The following RIMBP2 variants were observed in gnomAD, a reference collection of about 807,000 sequenced individuals.
RIMBP2 encodes RIMS-binding protein 2.
Under a neutral mutation model 118.6 loss-of-function variants are expected in RIMBP2, and 48 were observed. That is an observed-to-expected ratio of 0.40 (90% confidence interval 0.32 to 0.51). RIMBP2 has a LOEUF of 0.51. RIMBP2 is among the 20% of genes least tolerant of loss of function. RIMBP2 has a pLI of 0.41. For synonymous variants in RIMBP2, 762 were observed against 742.9 expected (o/e 1.03, Z -0.42); for missense variants, 1,551 against 1,768.3 (o/e 0.88, Z 2.20).
At chr12:130,560,000 G>C (rs1283556571) in intron 2 of RIMBP2, among the ~76,000 whole-genome samples, 2 of 152,232 alleles carry the variant, frequency 1.3e-5, no homozygotes, top group Non-Finnish European at 2.9e-5. Context: ...GGGAAACTGA[G>C]AATGGGAGCA....
rs1268626415 is a variant in RIMBP2 at position 130,469,900 on chromosome 12, G to T, written c.153+793C>A. On this transcript the variant is annotated intron_variant, in intron 6 of 22. Transcript: ENST00000690449. The surrounding 1 kb of genome is among the most constrained non-coding windows in gnomAD (Gnocchi z 4.8). ...CACGATCCTTGACTTCGGCAGGTGG[G>T]GGCCCCAGCTCACTGTAGCCCAGCC... Among the ~76,000 whole-genome samples the T allele has an allele frequency of 1.3e-5, 2 of 152,152 alleles. No homozygotes were observed. Among genetic ancestry groups the T allele is most frequent in the Non-Finnish European group, 2.9e-5 (2 of 68,032 alleles).
At chr12:130,630,460 C>A (rs2061926180) in intron 1 of RIMBP2, among the ~76,000 whole-genome samples, 1 of 152,062 alleles carries the variant, frequency 6.6e-6, no homozygotes, top group Non-Finnish European at 1.5e-5. Context: ...TTGACATAAA[C>A]AACCAAAATA....
chr12:130,704,993 CAT>C (rs1418776921), intron 1 of RIMBP2, among the ~76,000 whole-genome samples: 1 of 152,198 alleles, frequency 6.6e-6, no homozygotes, highest in Admixed American at 6.5e-5. Context: ...AAACAACACA[CAT>C]CTCTTCTCTC....
chr12:130,580,294 G>A (rs748168476), intron 2 of RIMBP2, among the ~76,000 whole-genome samples: 5 of 152,178 alleles, frequency 3.3e-5, no homozygotes, highest in East Asian at 1.9e-4. Flanking sequence ...TGTCAAGGGC[G>A]GGGCCAGGTG....
chr12:130,596,252 T>C (rs1168082034), intron 2 of RIMBP2, among the ~76,000 whole-genome samples: 1 of 152,164 alleles, frequency 6.6e-6, no homozygotes. Flanking sequence ...CAGGAAGCCA[T>C]GGGTGATAAT....
At chr12:130,463,223 C>G (rs972679798) in intron 6 of RIMBP2, among the ~76,000 whole-genome samples, 10 of 152,182 alleles carry the variant, frequency 6.6e-5, no homozygotes, top group African/African-American at 2.4e-4. Flanking sequence ...GCTGTCCTGT[C>G]TGGGTTTGGG....
chr12:130,507,614 G>A (rs1349475306), intron 3 of RIMBP2, among the ~76,000 whole-genome samples: 1 of 152,200 alleles, frequency 6.6e-6, no homozygotes, highest in East Asian at 1.9e-4. Context: ...CCAGGGCCAA[G>A]CTACAAGCTT....
In RIMBP2 at chr12:130,646,038, G is replaced by GTTCCCTCTCCACCTCCCTCACCAC. The variant is rs1566421603; in HGVS notation, c.-351-17606_-351-17583dup. Among the ~76,000 whole-genome samples the GTTCCCTCTCCACCTCCCTCACCAC allele has an allele frequency of 4.3e-5, 6 of 139,066 alleles. 1 individual carries two copies. The highest frequency in any genetic ancestry group is 7.4e-5 in the Admixed American group (1 of 13,518). The allele number at this position is 139,066 out of a possible 152,430, so 91.2% of individuals were successfully genotyped here. A position where few individuals can be genotyped will look rare whatever the true frequency, so the allele number is the denominator to read the frequency against. On this transcript the variant is annotated intron_variant, in intron 1 of 22. Transcript: ENST00000690449. ...ATTGAAATCTGTGGTGCGGCAGCCA[G>GTTCCCTCTCCACCTCCCTCACCAC]TTCCCTCTCCACCTCCCTCACCACC...
At chr12:130,640,418 A>G (rs540380771) in intron 1 of RIMBP2, among the ~76,000 whole-genome samples, 2 of 152,278 alleles carry the variant, frequency 1.3e-5, no homozygotes, top group Admixed American at 6.5e-5. Context: ...TTATTTTCAA[A>G]CCGAAGTTCA....
At chr12:130,612,179 C>T (rs2060597199) in intron 2 of RIMBP2, among the ~76,000 whole-genome samples, 1 of 152,050 alleles carries the variant, frequency 6.6e-6, no homozygotes, top group South Asian at 2.1e-4. Context: ...AGAGCAGCTG[C>T]TTGGATTGAC....
At chr12:130,497,176 C>A (rs2049264846) in intron 4 of RIMBP2, among the ~76,000 whole-genome samples, 1 of 152,222 alleles carries the variant, frequency 6.6e-6, no homozygotes, top group Non-Finnish European at 1.5e-5. Context: ...TGATGTGCGA[C>A]CGCACCTTCA....
rs868482505 is a variant in RIMBP2, at chr12:130,470,724, T to G, written c.122A>C (p.Lys41Thr). Residue 41 changes from lysine (K) to threonine (T), a missense_variant, in exon 6 of 23, where the codon AAG becomes ACG. Physicochemically the swap from Lys to Thr is moderately conservative, Grantham distance 78. Coordinates refer to ENST00000690449, the MANE Select transcript of RIMBP2 (RefSeq NM_001393629.1). ...CAGCCGCACTGCGCCTTCATGCTCC[T>G]TCTTAGCCTCAACCTGAGCCTTTTT... ...LLQKAQVEAK[K>T]EHEGAVRLLE... 1 of 1,232,010 alleles carries G rather than the reference T, an allele frequency of 8.1e-7. No individual in the cohort carries two copies. Among genetic ancestry groups the G allele is most frequent in the South Asian group, 4.1e-5 (1 of 24,306 alleles). The allele number at this position is 1,232,010 out of a possible 1,614,324, so 76.3% of individuals were successfully genotyped here. A position where few individuals can be genotyped will look rare whatever the true frequency, so the allele number is the denominator to read the frequency against.
At chr12:130,687,018 C>A (rs888878756) in intron 1 of RIMBP2, among the ~76,000 whole-genome samples, 12 of 152,236 alleles carry the variant, frequency 7.9e-5, no homozygotes, top group African/African-American at 2.9e-4. Context: ...CAAATAAAAT[C>A]ACCGTGGAGA....
intron 2 of RIMBP2, among the ~76,000 whole-genome samples, chr12:130,610,663 C>T (rs1356363659): frequency 2.7e-5 from 4 of 148,770 alleles, no homozygotes; most frequent in Non-Finnish European, 5.9e-5. Context: ...CGGGTTCACG[C>T]CATTCTCCTG....
intron 9 of RIMBP2, among the ~76,000 whole-genome samples, chr12:130,448,649 G>A (rs774533904): frequency 1.3e-5 from 2 of 152,276 alleles, no homozygotes; most frequent in African/African-American, 2.4e-5. Flanking sequence ...CGCCAACTGT[G>A]GCCCTGTGCG....
rs1297207494 is a variant in RIMBP2, at chr12:130,620,905, A to C, written c.-217+7417T>G. Among the ~76,000 whole-genome samples, 2 of 152,172 alleles carry C rather than the reference A, an allele frequency of 1.3e-5. No individual in the cohort carries two copies. The highest frequency in any genetic ancestry group is 4.8e-5 in the African/African-American group (2 of 41,446). The stretch of plus-strand genomic sequence containing the variant: ...CCCGCAGTCAACCACCCCACCCAGC[A>C]GTGGTGAGCACCTGGAACCTGCAGA... On this transcript the variant is annotated intron_variant, in intron 2 of 22. Transcript: ENST00000690449. The surrounding 1 kb of genome is among the most constrained non-coding windows in gnomAD (Gnocchi z 5.3).
intron 2 of RIMBP2, among the ~76,000 whole-genome samples, chr12:130,603,092 AAGAC>A (rs964687134): frequency 6.6e-6 from 1 of 152,230 alleles, no homozygotes; most frequent in African/African-American, 2.4e-5. Context: ...TACTAATAAA[AAGAC>A]AAGCAAAAGA....
At chr12:130,696,153 A>G (rs2065564787) in intron 1 of RIMBP2, among the ~76,000 whole-genome samples, 1 of 152,210 alleles carries the variant, frequency 6.6e-6, no homozygotes, top group Non-Finnish European at 1.5e-5. Context: ...CCCAGCCAGC[A>G]GGCTGACGTG....
At chr12:130,701,014 T>G (rs2065830153) in intron 1 of RIMBP2, among the ~76,000 whole-genome samples, 1 of 152,240 alleles carries the variant, frequency 6.6e-6, no homozygotes, top group Non-Finnish European at 1.5e-5. Flanking sequence ...GCAAGTAGTT[T>G]TCTAGGACAG....
Sources: allele counts gnomAD v4.1 joint callset (sites outside exome capture counted in the v4.1 genomes callset), GRCh38; gene constraint gnomAD v4.1.1; non-coding constraint Gnocchi (gnomAD v3.1); transcripts MANE v1.5; gene names NCBI Gene and HGNC (gene_info 2026-07-23, HGNC 2026-07-21).